Variants in CPED1 observed in about 807,000 individuals in gnomAD.
CPED1 encodes the protein cadherin-like and PC-esterase domain-containing protein 1.
A neutral mutation model predicts 128.2 loss-of-function variants in CPED1; 114 were observed. The ratio of observed to expected loss-of-function variants is 0.89; its 90% CI spans 0.76 to 1.04. CPED1 has a LOEUF of 1.04. CPED1 is among the 50% of genes least tolerant of loss of function. CPED1 has a pLI of 0.00. For synonymous variants in CPED1, 462 were observed against 426.7 expected, an observed-to-expected ratio of 1.08 and a Z score of -1.02; for missense variants, 1,211 against 1,207.1, an observed-to-expected ratio of 1.00 and a Z score of -0.05.
At chr7:121,248,594 C>A (rs77573594) in intron 18 of CPED1, among the ~76,000 whole-genome samples, 1,567 of 117,882 alleles carry the variant, frequency 0.013, no homozygotes, top group African/African-American at 0.027. Context: ...CCCTGTGAAA[C>A]AAAAAAAAAA....
In CPED1 at chr7:121,203,338, G is replaced by A. The variant is rs147950755; in HGVS notation, c.2056-33376G>A. ...TGGGTCCACCAATTAATTATTCTTC[G>A]AACTTATCCCTTCTACTGCCTCCTC... is the stretch of plus-strand genomic sequence containing the variant. On this transcript the variant is annotated intron_variant, in intron 16 of 22. Coordinates refer to ENST00000310396, the MANE Select transcript of CPED1 (RefSeq NM_024913.5). 9.2e-5 allele frequency among the ~76,000 whole-genome samples: 14 copies of A among 152,024 alleles called. No homozygotes were observed. In the East Asian group the frequency reaches 1.6e-3, roughly 17 times the overall value.
intron 3 of CPED1, 75 bp from the exon 4 acceptor site, chr7:121,046,812 A>T: frequency 1.1e-6 from 1 of 918,486 alleles, no homozygotes; most frequent in Non-Finnish European, 1.7e-6. Context: ...TACATTTTTT[A>T]ATCTGAAGAA....
chr7:121,231,203 G>A (rs1008754558), intron 16 of CPED1, among the ~76,000 whole-genome samples: 1 of 152,040 alleles, frequency 6.6e-6, no homozygotes, highest in African/African-American at 2.4e-5. Flanking sequence ...AAAAGCAAAA[G>A]GTGAGCATTT....
At chr7:121,249,811 A>T (rs895222747) in intron 18 of CPED1, among the ~76,000 whole-genome samples, 1 of 152,170 alleles carries the variant, frequency 6.6e-6, no homozygotes, top group African/African-American at 2.4e-5. Flanking sequence ...GAGTACCCAG[A>T]TTCATAAAGC....
intron 22 of CPED1, among the ~76,000 whole-genome samples, chr7:121,286,613 A>G (rs1792583759): frequency 6.6e-6 from 1 of 152,208 alleles, no homozygotes; most frequent in Non-Finnish European, 1.5e-5. Flanking sequence ...AATCTAGTTA[A>G]TATCTAGGAT....
intron 7 of CPED1, among the ~76,000 whole-genome samples, chr7:121,106,089 A>G: frequency 6.6e-6 from 1 of 152,090 alleles, no homozygotes; most frequent in African/African-American, 2.4e-5. Context: ...ATCGTTGTCT[A>G]TCATCCTTAT....
intron 16 of CPED1, among the ~76,000 whole-genome samples, chr7:121,185,292 A>T (rs73436037): frequency 0.095 from 14,454 of 152,214 alleles, 852 homozygotes; most frequent in South Asian, 0.17. Flanking sequence ...ATGGCAAAAG[A>T]TGCAATAAAC....
chr7:121,250,126 A>G (rs1798635928), intron 18 of CPED1, among the ~76,000 whole-genome samples: 1 of 152,256 alleles, frequency 6.6e-6, no homozygotes, highest in African/African-American at 2.4e-5. Context: ...ACTGTCTCTC[A>G]GACCACACTG....
At chr7:121,275,165 T>C (rs1443806876) in intron 22 of CPED1, among the ~76,000 whole-genome samples, 2 of 152,118 alleles carry the variant, frequency 1.3e-5, no homozygotes, top group Non-Finnish European at 2.9e-5. Flanking sequence ...AATTCTATCA[T>C]AGACATAACA....
At chr7:121,166,136 CA>C (rs59448852) in intron 16 of CPED1, among the ~76,000 whole-genome samples, 82,300 of 150,658 alleles carry the variant, frequency 0.55, 22,724 homozygotes, top group East Asian at 0.84. Context: ...CAAAAAAAAA[CA>C]AAAAAAAAAC....
At chr7:121,172,646 TTGGA>T (rs1272764099) in intron 16 of CPED1, among the ~76,000 whole-genome samples, 1 of 119,508 alleles carries the variant, frequency 8.4e-6, no homozygotes, top group Non-Finnish European at 1.8e-5. Flanking sequence ...GGGTGGGTGG[TTGGA>T]TGGATGGATA....
At chr7:121,011,865 G>A (rs558821231) in intron 2 of CPED1, among the ~76,000 whole-genome samples, 1 of 151,974 alleles carries the variant, frequency 6.6e-6, no homozygotes, top group African/African-American at 2.4e-5. Context: ...TAATTGAAAG[G>A]CTTATGGAAT....
At chr7:121,181,504 G>C (rs1430368483) in intron 16 of CPED1, among the ~76,000 whole-genome samples, 1 of 151,038 alleles carries the variant, frequency 6.6e-6, no homozygotes, top group African/African-American at 2.4e-5. Context: ...GCTGTGATCT[G>C]TACATAAATA....
At chr7:121,266,949 A>T in intron 20 of CPED1, 141 bp downstream of exon 20, 1 of 673,576 alleles carries the variant, frequency 1.5e-6, no homozygotes, top group East Asian at 2.7e-5. Context: ...TTAAAATAAT[A>T]AAGTAAAATA....
rs754585885 is a variant in CPED1, at chr7:121,267,303, GT to G, written c.2721+2del. 4 of 1,552,806 alleles carry G rather than the reference GT, an allele frequency of 2.6e-6. No homozygotes were observed. In the South Asian group the frequency reaches 4.7e-5, roughly 18 times the overall value. ...GGATGGAGTACATTTCTTAACACAGGTAAGCACATTTCCTCTGGGCTAGGTG... is the reference window on the plus strand; with the variant it reads ...GGATGGAGTACATTTCTTAACACAGGAAGCACATTTCCTCTGGGCTAGGTG... On this transcript the variant is annotated splice_donor_variant, in intron 21 of 22. Coordinates refer to ENST00000310396, the MANE Select transcript of CPED1 (RefSeq NM_024913.5). LOFTEE classifies it high-confidence loss of function.
chr7:121,079,577 TC>T (rs1425795915), intron 5 of CPED1, among the ~76,000 whole-genome samples: 1 of 152,232 alleles, frequency 6.6e-6, no homozygotes, highest in Non-Finnish European at 1.5e-5. Flanking sequence ...GCCAAAGGTG[TC>T]TCTTGCTCCT....
intron 5 of CPED1, among the ~76,000 whole-genome samples, chr7:121,092,720 C>T (rs1183641218): frequency 1.3e-5 from 2 of 152,176 alleles, no homozygotes. Context: ...GCTAAAGCCT[C>T]TTCCCACGAG....
At chr7:121,083,440 C>A (rs1415515465) in intron 5 of CPED1, among the ~76,000 whole-genome samples, 2 of 152,110 alleles carry the variant, frequency 1.3e-5, no homozygotes, top group African/African-American at 4.8e-5. Context: ...CTTTAGAATT[C>A]ACTGATTGTG....
At chr7:121,186,125 A>G (rs1796996952) in intron 16 of CPED1, among the ~76,000 whole-genome samples, 1 of 152,172 alleles carries the variant, frequency 6.6e-6, no homozygotes, top group South Asian at 2.1e-4. Flanking sequence ...TTCTCTTCCC[A>G]AAACTATTCT....
Sources: allele counts gnomAD v4.1 joint callset (sites outside exome capture counted in the v4.1 genomes callset), GRCh38; gene constraint gnomAD v4.1.1; transcripts MANE v1.5; gene names NCBI Gene and HGNC (gene_info 2026-07-23, HGNC 2026-07-21).